Variants in WAC observed in about 807,000 individuals in gnomAD.
WAC encodes the protein WW domain-containing adapter protein with coiled-coil.
A neutral mutation model predicts 79.6 loss-of-function variants in WAC; 11 were observed. The observed-to-expected ratio is 0.14, with a 90% confidence interval of 0.09 to 0.23. The LOEUF is 0.23. Among genes scored for constraint, WAC ranks in the 10% least tolerant of loss-of-function variants. WAC has a pLI of 1.00. For missense variants in WAC, 728 were observed against 773.5 expected (o/e 0.94, Z 0.70); for synonymous variants, 304 against 276.9 (o/e 1.10, Z -0.97).
At chr10:28,548,280 G>A (rs757041778) in intron 3 of WAC, among the ~76,000 whole-genome samples, 19 of 151,866 alleles carry the variant, frequency 1.3e-4, no homozygotes, top group Non-Finnish European at 2.4e-4. Context: ...GTGCCTTTTT[G>A]TCTAACCCTA....
intron 4 of WAC, among the ~76,000 whole-genome samples, chr10:28,586,553 G>C (rs1045129785): frequency 1.3e-5 from 2 of 152,028 alleles, no homozygotes; most frequent in Non-Finnish European, 2.9e-5. Flanking sequence ...AAGTGTGGTG[G>C]TGTGTTCCTG....
At chr10:28,581,341 C>T (rs1839526381) in intron 3 of WAC, among the ~76,000 whole-genome samples, 1 of 143,970 alleles carries the variant, frequency 6.9e-6, no homozygotes, top group Non-Finnish European at 1.5e-5. Context: ...CCTGCCTCTA[C>T]CTCCTCAGTA....
intron 3 of WAC, among the ~76,000 whole-genome samples, chr10:28,546,311 ATTTAATAATTTG>A (rs1689645813): frequency 6.6e-6 from 1 of 152,230 alleles, no homozygotes; most frequent in African/African-American, 2.4e-5. Flanking sequence ...ATATTTCTGC[ATTTAATAATTTG>A]TTCTAACTTC....
intron 3 of WAC, among the ~76,000 whole-genome samples, chr10:28,568,052 A>C (rs533596618): frequency 1.3e-5 from 2 of 152,258 alleles, no homozygotes; most frequent in African/African-American, 4.8e-5. Flanking sequence ...TATGGATTTA[A>C]TTTGTCTCTT....
At chr10:28,535,284 T>G (rs1178791206) in intron 2 of WAC, 1 of 258,928 alleles carries the variant, frequency 3.9e-6, no homozygotes, top group Non-Finnish European at 7.2e-6. Context: ...CCAAATTTTT[T>G]TATTTTTTGC....
At chr10:28,572,583 G>A (rs1839035026) in intron 3 of WAC, among the ~76,000 whole-genome samples, 8 of 151,948 alleles carry the variant, frequency 5.3e-5, no homozygotes. Flanking sequence ...GGTGGAGGTG[G>A]GCTGATCACT....
In WAC at chr10:28,617,748, G is replaced by A. The variant is rs769748790; in HGVS notation, c.1838G>A (p.Arg613Gln). The A allele has an allele frequency of 1.9e-6, 3 of 1,594,882 alleles. No homozygotes were observed. The highest frequency in any genetic ancestry group is 2.3e-5 in the East Asian group (1 of 44,228). The change falls in exon 13 of 14, where the codon CGA becomes CAA. Residue 613 changes from arginine (R) to glutamine (Q), a missense_variant. By Grantham distance (43) the Arg-to-Gln change is conservative. This residue lies in a region of WAC where 66 missense variants were observed against 78.9 expected (regional missense o/e 0.84). Transcript: ENST00000354911. ...TELKNLRSLVRVCEIQATLRE... is the reference protein window; with the variant it reads ...TELKNLRSLVQVCEIQATLRE... ...TTAAAAAATTTAAGATCTTTAGTCC[G>A]AGTATGTGAAATTCAAGCAACTTTG... is the stretch of plus-strand genomic sequence containing the variant.
At chr10:28,555,195 C>T (rs1837914504) in intron 3 of WAC, among the ~76,000 whole-genome samples, 1 of 152,126 alleles carries the variant, frequency 6.6e-6, no homozygotes, top group African/African-American at 2.4e-5. Context: ...CAATGAGCTC[C>T]AGTTACTCTT....
chr10:28,541,564 T>C (rs963010550), intron 3 of WAC, among the ~76,000 whole-genome samples: 2 of 151,894 alleles, frequency 1.3e-5, no homozygotes, highest in Non-Finnish European at 2.9e-5. Flanking sequence ...CTTGCAAATA[T>C]ATTCTATGAA....
At chr10:28,574,522 A>G (rs1564395245) in intron 3 of WAC, among the ~76,000 whole-genome samples, 1 of 152,006 alleles carries the variant, frequency 6.6e-6, no homozygotes, top group Non-Finnish European at 1.5e-5. Flanking sequence ...AGCTCACTGC[A>G]GCCTCTGCCT....
intron 6 of WAC, among the ~76,000 whole-genome samples, chr10:28,594,109 G>C (rs542764342): frequency 6.6e-6 from 1 of 152,202 alleles, no homozygotes; most frequent in African/African-American, 2.4e-5. Flanking sequence ...ATCTAGAGTT[G>C]TAAGTATAGA....
chr10:28,579,443 C>G (rs145739384), intron 3 of WAC, among the ~76,000 whole-genome samples: 1 of 152,226 alleles, frequency 6.6e-6, no homozygotes, highest in African/African-American at 2.4e-5. Context: ...ATTCTGAGTT[C>G]AAGTTTTATG....
In WAC at chr10:28,533,984, T is replaced by C. The variant is rs375919849; in HGVS notation, c.42-14T>C. The C allele has an allele frequency of 3.2e-5, 52 of 1,606,116 alleles. No homozygotes were observed. Among genetic ancestry groups the C allele is most frequent in the Non-Finnish European group, 4.3e-5 (51 of 1,176,502 alleles). ...CCGTGTCTTATGTCGCTGCCTTCTCTTCCTGTTTTTCAGCTGTCACGACCG... is the reference window on the plus strand; with the variant it reads ...CCGTGTCTTATGTCGCTGCCTTCTCCTCCTGTTTTTCAGCTGTCACGACCG... On this transcript the variant is annotated splice_polypyrimidine_tract_variant and intron_variant, in intron 1 of 13. Transcript: ENST00000354911.
chr10:28,558,476 G>A (rs1004061577), intron 3 of WAC, among the ~76,000 whole-genome samples: 1 of 152,090 alleles, frequency 6.6e-6, no homozygotes, highest in Non-Finnish European at 1.5e-5. Context: ...ACCTGTGATT[G>A]GCTGAGTGTG....
At chr10:28,563,009 A>G (rs1311030969) in intron 3 of WAC, among the ~76,000 whole-genome samples, 1 of 152,206 alleles carries the variant, frequency 6.6e-6, no homozygotes. Context: ...TTTATGTTTG[A>G]GTAAAACTCT....
intron 3 of WAC, among the ~76,000 whole-genome samples, chr10:28,577,250 A>G (rs1398149303): frequency 6.6e-6 from 1 of 152,220 alleles, no homozygotes; most frequent in East Asian, 1.9e-4. Flanking sequence ...AATTTTTTTT[A>G]GTCAAGGATA....
Position 28,583,491 on chromosome 10 carries a change from A to C in WAC, c.367A>C (p.Lys123Gln), listed in dbSNP as rs949649739. The stretch of plus-strand genomic sequence containing the variant: ...TTCTAATCCAAGCAATAACCCAAGC[A>C]AAACTTCAGATGCAGTAAGTATTAT... ...HSSNPSNNPS[K>Q]TSDAPYDSAD... is the part of the protein sequence containing the mutation. Residue 123 changes from lysine (K) to glutamine (Q), a missense_variant, in exon 4 of 14, where the codon AAA becomes CAA. By Grantham distance (53) the Lys-to-Gln change is moderately conservative (BLOSUM62 1). Transcript: ENST00000354911. The C allele has an allele frequency of 2.5e-6, 4 of 1,579,294 alleles. No homozygotes were observed. The African/African-American group carries it at 5.5e-5, about 22-fold the overall frequency.
At chr10:28,589,922 T>A in intron 5 of WAC, 71 bp downstream of exon 5, 1 of 1,143,794 alleles carries the variant, frequency 8.7e-7, no homozygotes, top group Non-Finnish European at 1.3e-6. Flanking sequence ...CTTACAGCAT[T>A]AAACATTCTA....
intron 3 of WAC, among the ~76,000 whole-genome samples, chr10:28,552,751 GAAAA>G (rs57780410): frequency 1.3e-5 from 2 of 150,216 alleles, no homozygotes; most frequent in Non-Finnish European, 3.0e-5. Context: ...ATTAAAATGA[GAAAA>G]AAAGAGTATT....
Sources: gnomAD v4.1 joint callset for allele counts (sites outside exome capture counted in the v4.1 genomes callset) on GRCh38, gnomAD v4.1.1 for gene constraint, gnomAD v4.1.1 regional missense constraint, MANE v1.5 for transcripts, NCBI Gene and HGNC (gene_info 2026-07-23, HGNC 2026-07-21) for gene names.